The following TENM1 variants were observed in gnomAD, a reference collection of about 807,000 sequenced individuals.
TENM1 encodes the protein teneurin transmembrane protein 1.
In TENM1, 35 loss-of-function variants were observed where a neutral mutation model predicts 174.8. That is an observed-to-expected ratio of 0.20 (90% CI 0.15 to 0.27). The LOEUF is 0.27. TENM1 is among the 10% of genes least tolerant of loss of function. The pLI, the probability that TENM1 is intolerant of heterozygous loss-of-function variation, is 1.00. For synonymous variants in TENM1, 781 were observed against 798.7 expected, an observed-to-expected ratio of 0.98 and a Z score of 0.37; for missense variants, 1,633 against 2,130.1, an observed-to-expected ratio of 0.77 and a Z score of 4.59.
chrX:124,890,918 T>C (rs1313895567), intron 3 of TENM1, among the ~76,000 whole-genome samples: 4 of 111,850 alleles, frequency 3.6e-5, no homozygotes, highest in East Asian at 5.6e-4. Flanking sequence ...AACAGATGAA[T>C]AGATAAAGAA....
At chrX:125,061,373 A>G in the TENM1 span, among the ~76,000 whole-genome samples, 1 of 112,102 alleles carries the variant, frequency 8.9e-6, no homozygotes, top group African/African-American at 3.2e-5. Flanking sequence ...CTAGGAGAAC[A>G]TATCTCATAT....
chrX:124,977,961 TGTGTGTGAGAGAGAGAGA>T, the TENM1 span, among the ~76,000 whole-genome samples: 48 of 54,472 alleles, frequency 8.8e-4, no homozygotes, highest in African/African-American at 3.3e-3. Context: ...TGTGTGTGTG[TGTGTGTGAGAGAGAGAGA>T]GAGAGAGAGA....
chrX:124,422,659 A>C lies in TENM1; in HGVS notation c.4105-21T>G, dbSNP rs201149786. Reference sequence around the variant, plus strand: ...CGCACCTGTGAAACGAACAGAACACATACCATTAGGTTACCATGTCTTTCC... The same window carrying C: ...CGCACCTGTGAAACGAACAGAACACCTACCATTAGGTTACCATGTCTTTCC... On this transcript the variant is annotated intron_variant, in intron 23 of 31. Coordinates refer to ENST00000422452, the Ensembl canonical transcript of TENM1. 1.7e-3 allele frequency: 2,068 copies of C among 1,189,746 alleles called. 2 individuals carry two copies. The highest frequency in any genetic ancestry group is 1.9e-3 in the Non-Finnish European group (1,655 of 881,967).
At chrX:124,616,160 T>C (rs2050394059) in intron 11 of TENM1, among the ~76,000 whole-genome samples, 1 of 112,682 alleles carries the variant, frequency 8.9e-6, no homozygotes, top group African/African-American at 3.2e-5. Flanking sequence ...CACATATCTA[T>C]TCTAATTGAT....
In TENM1 at chrX:124,523,642, T is replaced by C; in HGVS notation, c.2772-17A>G. On this transcript the variant is annotated splice_polypyrimidine_tract_variant and intron_variant, in intron 16 of 31. Coordinates refer to ENST00000422452, the Ensembl canonical transcript of TENM1. ...AGGTCAAAGCTAAGAAGGAAAAACA[T>C]AAGACAGTTGCAATCAAATGAAAAA... 7.5e-6 allele frequency: 9 copies of C among 1,201,280 alleles called. No homozygotes were observed. The highest frequency in any genetic ancestry group is 1.0e-5 in the Non-Finnish European group (9 of 888,679).
intron 3 of TENM1, among the ~76,000 whole-genome samples, chrX:124,821,173 AC>A (rs1281570754): frequency 8.9e-6 from 1 of 112,327 alleles, no homozygotes; most frequent in Non-Finnish European, 1.9e-5. Flanking sequence ...TGACTATCTC[AC>A]TAACTCCAAG....
chrX:125,050,815 C>T, the TENM1 span, among the ~76,000 whole-genome samples: 3 of 111,810 alleles, frequency 2.7e-5, no homozygotes, highest in Non-Finnish European at 5.6e-5. Context: ...ACATCCTCTC[C>T]AGCACCTGTT....
At chrX:124,520,451 ATGTAACAAGTATTTTC>A (rs1286357814) in intron 18 of TENM1, 50 bp downstream of exon 21, 1 of 969,802 alleles carries the variant, frequency 1.0e-6, no homozygotes, top group Admixed American at 2.8e-5. Flanking sequence ...ACAAATTAAC[ATGTAACAAGTATTTTC>A]TGTTCTGTGC....
chrX:124,618,160 T>C (rs2050438089), intron 11 of TENM1, among the ~76,000 whole-genome samples: 1 of 112,083 alleles, frequency 8.9e-6, no homozygotes, highest in South Asian at 3.7e-4. Context: ...GAGATATGGT[T>C]AGACATTCAC....
At chrX:125,084,812 C>T in the TENM1 span, among the ~76,000 whole-genome samples, 3 of 111,208 alleles carry the variant, frequency 2.7e-5, no homozygotes, top group Non-Finnish European at 3.8e-5. Flanking sequence ...CCCGATCATA[C>T]TAGGGATACA....
intron 27 of TENM1, 22 bp downstream of exon 30, chrX:124,405,009 C>T: frequency 8.5e-7 from 1 of 1,175,457 alleles, no homozygotes; most frequent in Non-Finnish European, 1.2e-6. Flanking sequence ...AGTTCTATAT[C>T]TTGTGTAAAG....
At chrX:124,635,476 C>T in intron 11 of TENM1, among the ~76,000 whole-genome samples, 1 of 112,479 alleles carries the variant, frequency 8.9e-6, no homozygotes, top group South Asian at 3.7e-4. Flanking sequence ...AGGCCTAATG[C>T]TTCACATCTC....
intron 27 of TENM1, 51 bp downstream of exon 30, chrX:124,404,980 C>T (rs1377155936): frequency 4.0e-6 from 4 of 1,002,768 alleles, no homozygotes; most frequent in Non-Finnish European, 5.6e-6. Flanking sequence ...AACAAACAAA[C>T]AAACAAAACA....
At chrX:125,196,399 T>C in the TENM1 span, among the ~76,000 whole-genome samples, 6 of 111,683 alleles carry the variant, frequency 5.4e-5, no homozygotes, top group African/African-American at 1.9e-4. Flanking sequence ...TTCATAAATA[T>C]TCATTTAAAA....
chrX:124,919,821 G>A (rs2057991561), intron 1 of TENM1, among the ~76,000 whole-genome samples: 1 of 111,268 alleles, frequency 9.0e-6, no homozygotes, highest in African/African-American at 3.3e-5. Flanking sequence ...AATCAATGAG[G>A]GTAGCTACCA....
chrX:125,082,252 T>C, the TENM1 span, among the ~76,000 whole-genome samples: 1 of 110,875 alleles, frequency 9.0e-6, no homozygotes, highest in African/African-American at 3.3e-5. Context: ...AACTAGAATA[T>C]GGCAATAACT....
At chrX:124,817,953 A>G (rs1474794817) in intron 3 of TENM1, among the ~76,000 whole-genome samples, 2 of 111,550 alleles carry the variant, frequency 1.8e-5, no homozygotes, top group Non-Finnish European at 3.8e-5. Context: ...TTGGAGTTTC[A>G]TCTGGGGCCC....
intron 5 of TENM1, among the ~76,000 whole-genome samples, chrX:124,687,293 T>G (rs181070726): frequency 9.0e-6 from 1 of 111,467 alleles, no homozygotes; most frequent in South Asian, 3.8e-4. Flanking sequence ...TCTACAACCA[T>G]CTGATCTTCG....
At chrX:124,461,930 A>G (rs2061178584) in intron 22 of TENM1, among the ~76,000 whole-genome samples, 1 of 112,035 alleles carries the variant, frequency 8.9e-6, no homozygotes, top group Non-Finnish European at 1.9e-5. Flanking sequence ...TCCTAATTAT[A>G]CTGATTTGAT....
Sources: gnomAD v4.1 joint callset for allele counts (sites outside exome capture counted in the v4.1 genomes callset) on GRCh38, gnomAD v4.1.1 for gene constraint, MANE v1.5 for transcripts, NCBI Gene and HGNC (gene_info 2026-07-23, HGNC 2026-07-21) for gene names.